The following PRXL2A variants were observed in gnomAD, a reference collection of about 807,000 sequenced individuals.
PRXL2A encodes the protein peroxiredoxin like 2A, also known as peroxiredoxin-like 2A.
PRXL2A carries 26 observed loss-of-function variants against 25.6 expected under a neutral mutation model. The ratio of observed to expected loss-of-function variants is 1.02; its 90% confidence interval spans 0.74 to 1.41. The LOEUF is 1.41. PRXL2A is among the 40% of genes most tolerant of loss of function. The pLI is 0.00. For synonymous variants in PRXL2A, 98 were observed against 102.9 expected (o/e 0.95, Z 0.29); for missense variants, 246 against 273.9 (o/e 0.90, Z 0.72).
chr10:80,412,423 TA>T (rs1352080547), intron 1 of PRXL2A, among the ~76,000 whole-genome samples: 1 of 152,142 alleles, frequency 6.6e-6, no homozygotes, highest in Non-Finnish European at 1.5e-5. Flanking sequence ...ATTCTAAGAG[TA>T]AAATTCAGAT....
intron 1 of PRXL2A, among the ~76,000 whole-genome samples, chr10:80,418,620 A>G (rs1466044059): frequency 1.3e-5 from 2 of 152,090 alleles, no homozygotes; most frequent in Non-Finnish European, 2.9e-5. Context: ...TGGGCCACAC[A>G]ATTACCACAC....
At chr10:80,421,422 CATT>C (rs1233236270) in intron 2 of PRXL2A, among the ~76,000 whole-genome samples, 2 of 152,174 alleles carry the variant, frequency 1.3e-5, no homozygotes, top group African/African-American at 4.8e-5. Flanking sequence ...GTGAAGGTCT[CATT>C]GATGGCGTGG....
intron 1 of PRXL2A, among the ~76,000 whole-genome samples, chr10:80,412,221 C>T (rs909273448): frequency 6.6e-5 from 10 of 152,240 alleles, no homozygotes; most frequent in South Asian, 2.1e-4. Flanking sequence ...ATCCAGGCCC[C>T]GAGTGTCTTC....
intron 2 of PRXL2A, 32 bp from the exon 3 acceptor site, chr10:80,422,385 G>A (rs777110698): frequency 6.5e-7 from 1 of 1,545,400 alleles, no homozygotes; most frequent in Non-Finnish European, 8.9e-7. Context: ...GGGCTGGGAG[G>A]AGATATCGAA....
At chr10:80,427,556 C>T in intron 5 of PRXL2A, 60 bp downstream of exon 5, 1 of 1,559,012 alleles carries the variant, frequency 6.4e-7, no homozygotes, top group Non-Finnish European at 8.8e-7. Flanking sequence ...TGTGAGACTC[C>T]AACCAGAAGC....
chr10:80,433,793 T>C lies in PRXL2A; in HGVS notation c.*1694T>C, dbSNP rs543636286. On this transcript the variant is annotated 3_prime_UTR_variant, in exon 6 of 6. Coordinates refer to ENST00000606162, the MANE Select transcript of PRXL2A (RefSeq NM_032333.5). ...AACTCAGTACCTAAACTTAGAACTT[T>C]AATACCTAAGACACTTGATGGTGAA... 13 of 152,332 alleles carry C rather than the reference T, an allele frequency of 8.5e-5. No homozygotes were observed. Among genetic ancestry groups the C allele is most frequent in the African/African-American group, 2.6e-4 (11 of 41,574 alleles). 9.4% of individuals were successfully genotyped at this position (152,332 alleles called of 1,614,324 possible).
intron 3 of PRXL2A, among the ~76,000 whole-genome samples, chr10:80,423,140 G>T (rs76442860): frequency 0.099 from 15,146 of 152,268 alleles, 1,246 homozygotes; most frequent in African/African-American, 0.22. Context: ...CACTGACTGG[G>T]TGGTCTCCAG....
intron 1 of PRXL2A, chr10:80,420,175 G>C: frequency 9.5e-7 from 1 of 1,055,726 alleles, no homozygotes; most frequent in Non-Finnish European, 1.1e-6. Flanking sequence ...TGGGGCATGA[G>C]AAGAGAGAGC....
chr10:80,410,105 G>C (rs1351797866), intron 1 of PRXL2A, among the ~76,000 whole-genome samples: 1 of 152,228 alleles, frequency 6.6e-6, no homozygotes, highest in African/African-American at 2.4e-5. Context: ...TGGAACTCTA[G>C]GGCTCAAGCC....
At chr10:80,412,531 G>A (rs532585031) in intron 1 of PRXL2A, among the ~76,000 whole-genome samples, 1 of 152,200 alleles carries the variant, frequency 6.6e-6, no homozygotes, top group African/African-American at 2.4e-5. Flanking sequence ...CCAACATATT[G>A]TGGAGACAGA....
chr10:80,428,048 T>C (rs917876896), intron 5 of PRXL2A, among the ~76,000 whole-genome samples: 2 of 152,086 alleles, frequency 1.3e-5, no homozygotes, highest in African/African-American at 2.4e-5. Context: ...CCAGGCGTAA[T>C]TAGGGGAAGT....
intron 1 of PRXL2A, among the ~76,000 whole-genome samples, chr10:80,414,336 G>A (rs1844576450): frequency 6.6e-6 from 1 of 152,134 alleles, no homozygotes; most frequent in South Asian, 2.1e-4. Flanking sequence ...TGGCTCTTCT[G>A]TAAACAACCC....
In PRXL2A at chr10:80,435,631, C is replaced by T. The variant is rs74143117; in HGVS notation, c.*3532C>T. On this transcript the variant is annotated 3_prime_UTR_variant, in exon 6 of 6. Coordinates refer to ENST00000606162, the MANE Select transcript of PRXL2A (RefSeq NM_032333.5). The stretch of plus-strand genomic sequence containing the variant: ...TACTGGGCTTACAGGTGGATGCCAC[C>T]GTACCCAACAGATTTTATTTTTGTA... The T allele has an allele frequency of 0.065, 9,876 of 152,148 alleles. 753 individuals carry two copies. The highest frequency in any genetic ancestry group is 0.18 in the African/African-American group (7,451 of 41,456). The allele number at this position is 152,148 out of a possible 1,614,324, so 9.4% of individuals were successfully genotyped here. A position where few individuals can be genotyped will look rare whatever the true frequency, so the allele number is the denominator to read the frequency against.
At position 80,432,093 on chromosome 10, in the gene PRXL2A, A is replaced by G. The variant is rs757286950; in HGVS notation, c.684A>G (p.Lys228=). 9.4e-6 allele frequency: 15 copies of G among 1,600,320 alleles called. No individual in the cohort carries two copies. In the African/African-American group the frequency reaches 1.4e-4, roughly 14 times the overall value. Residue 228 remains lysine (K), a synonymous_variant, in exon 6 of 6, where the codon AAA becomes AAG. Coordinates refer to ENST00000606162, the MANE Select transcript of PRXL2A (RefSeq NM_032333.5). The part of the protein sequence containing the change: ...MIKPQTLASE[K]K ...AACCACAGACTTTGGCCTCAGAGAA[A>G]AAATGATTGTGTGAAACTGCCCAGC...
rs892621509 is a variant in PRXL2A at position 80,433,142 on chromosome 10, A to G, written c.*1043A>G. The stretch of plus-strand genomic sequence containing the variant: ...TGGTTCTAGCTATCTAAGTGGTTTG[A>G]AAATGACCAGGAAAAATTCATCCTG... On this transcript the variant is annotated 3_prime_UTR_variant, in exon 6 of 6. Transcript: ENST00000606162. 7 of 152,214 alleles carry G rather than the reference A, an allele frequency of 4.6e-5. No individual in the cohort carries two copies. Among genetic ancestry groups the G allele is most frequent in the African/African-American group, 1.4e-4 (6 of 41,446 alleles). 9.4% of individuals were successfully genotyped at this position (152,214 alleles called of 1,614,324 possible).
At chr10:80,416,559 T>A (rs1250802658) in intron 1 of PRXL2A, among the ~76,000 whole-genome samples, 1 of 152,098 alleles carries the variant, frequency 6.6e-6, no homozygotes, top group African/African-American at 2.4e-5. Context: ...GCCTCTGAGT[T>A]GTGAAGCACA....
At chr10:80,422,219 G>C (rs189316347) in intron 2 of PRXL2A, among the ~76,000 whole-genome samples, 198 bp from the exon 3 acceptor site, 1 of 152,208 alleles carries the variant, frequency 6.6e-6, no homozygotes, top group African/African-American at 2.4e-5. Context: ...TCTTAAGCTT[G>C]GTTAACTTTC....
In PRXL2A at chr10:80,434,373, G is replaced by C. The variant is rs1845346486; in HGVS notation, c.*2274G>C. Reference sequence around the variant, plus strand: ...TCTAACTCATTGGCAAAATGGGCGTGATTCCTTCCCATTCAGGGCTGTTTA... The same window carrying C: ...TCTAACTCATTGGCAAAATGGGCGTCATTCCTTCCCATTCAGGGCTGTTTA... On this transcript the variant is annotated 3_prime_UTR_variant, in exon 6 of 6. Coordinates refer to ENST00000606162, the MANE Select transcript of PRXL2A (RefSeq NM_032333.5). 6.6e-6 allele frequency: 1 copy of C among 152,198 alleles called. No individual in the cohort carries two copies. The highest frequency in any genetic ancestry group is 2.4e-5 in the African/African-American group (1 of 41,452). The allele number at this position is 152,198 out of a possible 1,614,324, so 9.4% of individuals were successfully genotyped here.
chr10:80,412,980 G>T (rs947043735), intron 1 of PRXL2A, among the ~76,000 whole-genome samples: 41 of 152,264 alleles, frequency 2.7e-4, no homozygotes, highest in African/African-American at 9.9e-4. Flanking sequence ...ATAGGCTAGG[G>T]ACAGAGTTAT....
Sources: allele counts gnomAD v4.1 joint callset (sites outside exome capture counted in the v4.1 genomes callset), GRCh38; gene constraint gnomAD v4.1.1; transcripts MANE v1.5; gene names NCBI Gene and HGNC (gene_info 2026-07-23, HGNC 2026-07-21).